Variants in TMEM45A observed in about 807,000 individuals in gnomAD.
The protein encoded by TMEM45A is DNA polymerase-transactivated protein 4.
TMEM45A carries 25 observed loss-of-function variants against 32.0 expected under a neutral mutation model. The observed-to-expected ratio is 0.78, with a 90% confidence interval of 0.57 to 1.09. The LOEUF (loss-of-function observed/expected upper bound fraction) is 1.09, where lower values mean the gene tolerates loss of function less well. Among genes scored for constraint, TMEM45A ranks in the 50% least tolerant of loss-of-function variants. The pLI, the probability that TMEM45A is intolerant of heterozygous loss-of-function variation, is 0.00. For missense variants in TMEM45A, 302 were observed against 325.0 expected, an observed-to-expected ratio of 0.93 and a Z score of 0.54; for synonymous variants, 122 against 114.8, an observed-to-expected ratio of 1.06 and a Z score of -0.40.
intron 1 of TMEM45A, chr3:100,519,564 A>G (rs768948558): frequency 1.3e-6 from 2 of 1,551,080 alleles, no homozygotes; most frequent in South Asian, 1.2e-5. Flanking sequence ...GAGACCAAGG[A>G]TGACCAATGA....
At position 100,575,394 on chromosome 3, in the gene TMEM45A, A is replaced by G. The variant is rs545911306; in HGVS notation, c.735-1531A>G. On this transcript the variant is annotated intron_variant, in intron 5 of 5. Transcript: ENST00000323523. ...TTTTTTTTTTTTTTTTTTTTTTGAG[A>G]TGGAGACTTGCTCTGTCGCCCAGGC... 3.9e-4 allele frequency among the ~76,000 whole-genome samples: 33 copies of G among 85,050 alleles called. No homozygotes were observed. In the South Asian group the frequency reaches 0.011, roughly 29 times the overall value. The allele number at this position is 85,050 out of a possible 152,430, so 55.8% of individuals were successfully genotyped here. A position where few individuals can be genotyped will look rare whatever the true frequency, so the allele number is the denominator to read the frequency against.
intron 1 of TMEM45A, among the ~76,000 whole-genome samples, chr3:100,526,240 C>T (rs1052459069): frequency 6.6e-6 from 1 of 152,348 alleles, no homozygotes; most frequent in East Asian, 1.9e-4. Flanking sequence ...TTCACCTTTA[C>T]CTTTTCCTTC....
At chr3:100,564,977 T>C (rs1035127946) in intron 4 of TMEM45A, among the ~76,000 whole-genome samples, 1 of 152,222 alleles carries the variant, frequency 6.6e-6, no homozygotes, top group Admixed American at 6.5e-5. Flanking sequence ...GATCTTGTTA[T>C]CCAGGTCACT....
chr3:100,573,660 G>C (rs1460963337), intron 5 of TMEM45A: 3 of 152,116 alleles, frequency 2.0e-5, no homozygotes, highest in African/African-American at 7.2e-5. Context: ...TGGTGAGAGA[G>C]GGCATCCCTG....
chr3:100,526,440 G>C (rs1705545867), intron 1 of TMEM45A, among the ~76,000 whole-genome samples: 1 of 152,182 alleles, frequency 6.6e-6, no homozygotes, highest in South Asian at 2.1e-4. Flanking sequence ...AGGGAAGAAA[G>C]AATATTAACA....
At chr3:100,514,719 C>A (rs915207717) in intron 1 of TMEM45A, among the ~76,000 whole-genome samples, 21 of 152,060 alleles carry the variant, frequency 1.4e-4, no homozygotes, top group Admixed American at 2.6e-4. Flanking sequence ...ATGTTCGCAA[C>A]CTACTCATCT....
chr3:100,555,583 T>C (rs1220523400), intron 2 of TMEM45A, among the ~76,000 whole-genome samples, 182 bp downstream of exon 2: 1 of 152,234 alleles, frequency 6.6e-6, no homozygotes, highest in African/African-American at 2.4e-5. Flanking sequence ...AAAGCTTCAG[T>C]AATAAATAAT....
At chr3:100,533,959 C>G (rs1477564453) in intron 1 of TMEM45A, among the ~76,000 whole-genome samples, 1 of 152,116 alleles carries the variant, frequency 6.6e-6, no homozygotes, top group East Asian at 1.9e-4. Flanking sequence ...TGGGTCCACT[C>G]AGACTAATTG....
intron 1 of TMEM45A, among the ~76,000 whole-genome samples, chr3:100,516,314 G>T (rs552828345): frequency 6.6e-6 from 1 of 152,306 alleles, no homozygotes; most frequent in East Asian, 1.9e-4. Context: ...ATTGTGATAA[G>T]TGTTGCTGGT....
intron 1 of TMEM45A, among the ~76,000 whole-genome samples, chr3:100,502,492 G>A (rs542034386): frequency 1.0e-3 from 155 of 151,970 alleles, no homozygotes; most frequent in African/African-American, 3.4e-3. Flanking sequence ...TTTGAGACAG[G>A]GTCCCACTCT....
In TMEM45A at chr3:100,558,565, G is replaced by C. The variant is rs1462162152; in HGVS notation, c.564G>C (p.Leu188=). 6 of 1,613,910 alleles carry C rather than the reference G, an allele frequency of 3.7e-6. No individual in the cohort carries two copies. The highest frequency in any genetic ancestry group is 4.2e-6 in the Non-Finnish European group (5 of 1,179,924). The change falls in exon 4 of 6, where the codon CTG becomes CTC. Residue 188 remains leucine, a synonymous_variant. Transcript: ENST00000323523. ...LLELLRSSLI[L]LQGSWFFQIG... The stretch of plus-strand genomic sequence containing the variant: ...AGCTATTGCGGTCAAGTCTCATTCT[G>C]CTTCAGGGGAGCTGGTTCTTTCAGG...
chr3:100,546,735 T>C (rs1223846947), intron 1 of TMEM45A, among the ~76,000 whole-genome samples: 1 of 152,218 alleles, frequency 6.6e-6, no homozygotes, highest in Non-Finnish European at 1.5e-5. Flanking sequence ...AGATGCCTTT[T>C]TCCCTATGTT....
At chr3:100,570,262 G>A (rs1706531480) in intron 5 of TMEM45A, among the ~76,000 whole-genome samples, 1 of 152,174 alleles carries the variant, frequency 6.6e-6, no homozygotes, top group South Asian at 2.1e-4. Flanking sequence ...GCCCAGTGAG[G>A]TCCCAGCTAG....
intron 1 of TMEM45A, among the ~76,000 whole-genome samples, chr3:100,497,783 A>G (rs1365884716): frequency 6.6e-6 from 1 of 152,118 alleles, no homozygotes; most frequent in Admixed American, 6.6e-5. Flanking sequence ...TGTATATACC[A>G]TCTTTTGTTT....
chr3:100,515,496 G>A (rs1474098374), intron 1 of TMEM45A, among the ~76,000 whole-genome samples: 13 of 108,612 alleles, frequency 1.2e-4, no homozygotes, highest in African/African-American at 3.9e-4. Flanking sequence ...GGGGAGGGGG[G>A]AGGGATAGCA....
intron 1 of TMEM45A, among the ~76,000 whole-genome samples, chr3:100,525,619 G>A (rs1321446780): frequency 6.6e-6 from 1 of 152,246 alleles, no homozygotes; most frequent in East Asian, 1.9e-4. Context: ...ACACATTTGT[G>A]CTGTGCCTTG....
intron 1 of TMEM45A, among the ~76,000 whole-genome samples, chr3:100,512,134 T>C (rs1276872756): frequency 1.3e-5 from 2 of 152,158 alleles, no homozygotes; most frequent in African/African-American, 4.8e-5. Context: ...CTAATAGACA[T>C]CTGCAGAACT....
chr3:100,516,196 C>T (rs1000880359), intron 1 of TMEM45A, among the ~76,000 whole-genome samples: 11 of 152,126 alleles, frequency 7.2e-5, no homozygotes, highest in African/African-American at 1.4e-4. Flanking sequence ...TAATGAGCTC[C>T]GGACTGCCAT....
rs115111036 is a variant in TMEM45A, at chr3:100,522,548, A to G, written c.-4+29620A>G. On this transcript the variant is annotated intron_variant, in intron 1 of 5. Coordinates refer to ENST00000323523, the MANE Select transcript of TMEM45A (RefSeq NM_018004.3). The stretch of plus-strand genomic sequence containing the variant: ...AGTCCTAACTCTCTGGTGCTGGCCT[A>G]TAGTCTAATCAATGCTTCCCAACCT... 2.6e-3 allele frequency among the ~76,000 whole-genome samples: 398 copies of G among 152,284 alleles called. 2 individuals carry two copies. Among genetic ancestry groups the G allele is most frequent in the African/African-American group, 8.1e-3 (338 of 41,562 alleles).
Sources: allele counts gnomAD v4.1 joint callset (sites outside exome capture counted in the v4.1 genomes callset), GRCh38; gene constraint gnomAD v4.1.1; transcripts MANE v1.5; gene names NCBI Gene and HGNC (gene_info 2026-07-23, HGNC 2026-07-21).